Variants in TCF12 observed in about 807,000 individuals in gnomAD.
The protein encoded by TCF12 is DNA-binding protein HTF4.
Under a neutral mutation model 86.0 loss-of-function variants are expected in TCF12, and 45 were observed. The ratio of observed to expected loss-of-function variants is 0.52; its 90% CI spans 0.41 to 0.67. TCF12 has a LOEUF of 0.67. Ranked by LOEUF, TCF12 falls within the 30% of genes least tolerant of loss-of-function variation. The pLI is 0.00. For missense variants in TCF12, 881 were observed against 859.9 expected, an observed-to-expected ratio of 1.02 and a Z score of -0.31; for synonymous variants, 330 against 299.6, an observed-to-expected ratio of 1.10 and a Z score of -1.05.
At chr15:57,159,544 A>G (rs1297526531) in intron 5 of TCF12, among the ~76,000 whole-genome samples, 3 of 152,228 alleles carry the variant, frequency 2.0e-5, no homozygotes, top group African/African-American at 7.2e-5. Context: ...AGATTTGCCT[A>G]TGTAAGGATT....
chr15:57,223,391 A>G (rs2058692888), intron 8 of TCF12, among the ~76,000 whole-genome samples: 1 of 152,034 alleles, frequency 6.6e-6, no homozygotes, highest in Non-Finnish European at 1.5e-5. Flanking sequence ...ATACATATAT[A>G]TACTACATTG....
intron 3 of TCF12, among the ~76,000 whole-genome samples, chr15:57,015,764 G>A (rs2065118210): frequency 6.6e-6 from 1 of 152,206 alleles, no homozygotes; most frequent in Non-Finnish European, 1.5e-5. Flanking sequence ...TATTCTGATG[G>A]AAGACCTTGT....
intron 3 of TCF12, among the ~76,000 whole-genome samples, chr15:56,977,490 A>G (rs981900725): frequency 2.0e-5 from 3 of 152,104 alleles, no homozygotes; most frequent in African/African-American, 4.8e-5. Flanking sequence ...AGATCATGCC[A>G]CTGCCCTCCA....
chr15:57,048,294 C>T (rs1208726363), intron 3 of TCF12, among the ~76,000 whole-genome samples: 3 of 152,104 alleles, frequency 2.0e-5, no homozygotes, highest in African/African-American at 7.2e-5. Context: ...CAGAGTCTCG[C>T]TGTGTCGCCC....
intron 6 of TCF12, among the ~76,000 whole-genome samples, chr15:57,170,644 TATATATATTATATAAA>T (rs2055263992): frequency 7.0e-5 from 3 of 42,758 alleles, no homozygotes; most frequent in Non-Finnish European, 1.2e-4. Flanking sequence ...ATATATATAA[TATATATATTATATAAA>T]ATATATATAT....
intron 3 of TCF12, among the ~76,000 whole-genome samples, chr15:56,934,004 T>C (rs2060361422): frequency 6.6e-6 from 1 of 152,120 alleles, no homozygotes; most frequent in Non-Finnish European, 1.5e-5. Context: ...CTCTTATAAA[T>C]TCATCAGAAT....
chr15:57,160,853 T>G (rs1358114168), intron 5 of TCF12, among the ~76,000 whole-genome samples: 3 of 131,842 alleles, frequency 2.3e-5, no homozygotes, highest in African/African-American at 6.6e-5. Context: ...CCCAGCTAAG[T>G]TTTTTTTTTT....
At chr15:57,049,967 C>T (rs1037309726) in intron 3 of TCF12, among the ~76,000 whole-genome samples, 16 of 152,150 alleles carry the variant, frequency 1.1e-4, no homozygotes, top group Non-Finnish European at 2.2e-4. Context: ...AATTCCTCAA[C>T]GTGGCTTTTT....
chr15:57,274,032 C>A (rs772734970), intron 19 of TCF12, among the ~76,000 whole-genome samples: 1 of 152,158 alleles, frequency 6.6e-6, no homozygotes, highest in Non-Finnish European at 1.5e-5. Context: ...TACCATCAAG[C>A]TTGAGTTTCT....
intron 5 of TCF12, among the ~76,000 whole-genome samples, chr15:57,122,299 G>A (rs2051296180): frequency 6.6e-6 from 1 of 151,742 alleles, no homozygotes; most frequent in East Asian, 1.9e-4. Flanking sequence ...AGAGATGCAT[G>A]TTTGATTTCC....
At chr15:56,981,265 G>A (rs1263502769) in intron 3 of TCF12, among the ~76,000 whole-genome samples, 1 of 152,166 alleles carries the variant, frequency 6.6e-6, no homozygotes, top group Non-Finnish European at 1.5e-5. Context: ...CAGTTCTGGC[G>A]GCTGCCAAGT....
rs78645795 is a variant in TCF12 at position 57,048,857 on chromosome 15, C to A, written c.149-14893C>A. ...TCAGTAAGCTTGATAAATGCATACA[C>A]CCATCATCAATATCAAGATGTTTAT... On this transcript the variant is annotated intron_variant, in intron 3 of 20. Transcript: ENST00000333725. 7.9e-3 allele frequency among the ~76,000 whole-genome samples: 1,208 copies of A among 152,160 alleles called. 5 individuals are homozygous for A. Among genetic ancestry groups the A allele is most frequent in the Non-Finnish European group, 0.011 (743 of 68,004 alleles).
At chr15:57,084,186 G>C (rs1420453083) in intron 4 of TCF12, among the ~76,000 whole-genome samples, 1 of 152,212 alleles carries the variant, frequency 6.6e-6, no homozygotes, top group African/African-American at 2.4e-5. Context: ...TATATGCTCA[G>C]TGATAATACT....
chr15:56,954,554 A>C (rs1315481860), intron 3 of TCF12, among the ~76,000 whole-genome samples: 1 of 152,212 alleles, frequency 6.6e-6, no homozygotes, highest in Non-Finnish European at 1.5e-5. Context: ...TGGCAACAAA[A>C]GCCAAAGTAG....
At chr15:57,258,931 T>C (rs1238172679) in intron 16 of TCF12, among the ~76,000 whole-genome samples, 1 of 152,206 alleles carries the variant, frequency 6.6e-6, no homozygotes, top group African/African-American at 2.4e-5. Flanking sequence ...GAAATCATTT[T>C]AATCTTCCAT....
intron 2 of TCF12, among the ~76,000 whole-genome samples, 179 bp downstream of exon 2, chr15:56,920,167 C>T (rs1251249882): frequency 6.6e-6 from 1 of 152,122 alleles, no homozygotes. Context: ...CCAAGTTGGA[C>T]ACCTGAACTT....
At chr15:56,990,977 G>A (rs1391212019) in intron 3 of TCF12, among the ~76,000 whole-genome samples, 1 of 151,656 alleles carries the variant, frequency 6.6e-6, no homozygotes, top group African/African-American at 2.4e-5. Flanking sequence ...AAATTTTTTT[G>A]TAGAGATGGG....
intron 8 of TCF12, among the ~76,000 whole-genome samples, chr15:57,219,969 A>G (rs978451892): frequency 3.3e-5 from 5 of 151,456 alleles, no homozygotes; most frequent in African/African-American, 1.2e-4. Context: ...CAGGTGATCC[A>G]CCCGCCTCGG....
At chr15:57,172,950 A>G (rs2055624689) in intron 6 of TCF12, among the ~76,000 whole-genome samples, 2 of 151,666 alleles carry the variant, frequency 1.3e-5, no homozygotes, top group African/African-American at 2.4e-5. Flanking sequence ...AAATTAAAAA[A>G]AAAAAAAAGA....
Sources: gnomAD v4.1 joint callset for allele counts (sites outside exome capture counted in the v4.1 genomes callset) on GRCh38, gnomAD v4.1.1 for gene constraint, MANE v1.5 for transcripts, NCBI Gene and HGNC (gene_info 2026-07-23, HGNC 2026-07-21) for gene names.